Variants in LOC128462377 observed in about 807,000 individuals in gnomAD.
the LOC128462377 span, among the ~76,000 whole-genome samples, chr16:89,375,135 A>G: frequency 6.6e-6 from 1 of 152,202 alleles, no homozygotes; most frequent in African/African-American, 2.4e-5. Context: ...TCAGTGCGGG[A>G]CATACCACAC....
At chr16:89,326,390 C>T in the LOC128462377 span, among the ~76,000 whole-genome samples, 263 of 152,048 alleles carry the variant, frequency 1.7e-3, no homozygotes, top group Non-Finnish European at 1.3e-3. Context: ...CCCCCCCACC[C>T]CGCTGCAGAA....
At chr16:89,397,681 C>A in the LOC128462377 span, among the ~76,000 whole-genome samples, 2 of 152,234 alleles carry the variant, frequency 1.3e-5, no homozygotes, top group South Asian at 4.1e-4. Context: ...TTACAGTGTG[C>A]TTTTGTGGAT....
the LOC128462377 span, among the ~76,000 whole-genome samples, chr16:89,385,409 G>A: frequency 2.0e-3 from 307 of 152,264 alleles, 2 homozygotes; most frequent in African/African-American, 7.1e-3. Context: ...GATTACAGGC[G>A]TGAGCCACCG....
chr16:89,383,442 G>A, the LOC128462377 span, among the ~76,000 whole-genome samples: 4 of 152,196 alleles, frequency 2.6e-5, no homozygotes, highest in African/African-American at 9.7e-5. Context: ...TCAGAAAGGC[G>A]CTGTATCTAC....
At chr16:89,415,731 G>A in the LOC128462377 span, among the ~76,000 whole-genome samples, 2 of 149,556 alleles carry the variant, frequency 1.3e-5, no homozygotes, top group African/African-American at 4.9e-5. Flanking sequence ...GGGAGGCTGA[G>A]GCAGGAGAAA....
At chr16:89,384,925 G>A in the LOC128462377 span, among the ~76,000 whole-genome samples, 171 of 81,762 alleles carry the variant, frequency 2.1e-3, 1 homozygote, top group Non-Finnish European at 1.7e-3. Context: ...CGTTTCTGTC[G>A]CCCAGGCTGG....
At chr16:89,358,158 C>T in the LOC128462377 span, among the ~76,000 whole-genome samples, 4 of 152,216 alleles carry the variant, frequency 2.6e-5, no homozygotes, top group South Asian at 2.1e-4. Context: ...CACCCACCCA[C>T]GTGGCTTTGC....
the LOC128462377 span, among the ~76,000 whole-genome samples, chr16:89,416,304 T>G: frequency 6.6e-6 from 1 of 151,982 alleles, no homozygotes; most frequent in Non-Finnish European, 1.5e-5. Context: ...TCCATCGATT[T>G]TTTTTTTTCC....
At chr16:89,320,526 G>A in the LOC128462377 span, among the ~76,000 whole-genome samples, 103,588 of 152,012 alleles carry the variant, frequency 0.68, 35,383 homozygotes, top group Middle Eastern at 0.77. Flanking sequence ...GGCCCTGACC[G>A]CCCCCAGGCC....
At chr16:89,411,388 C>G in the LOC128462377 span, among the ~76,000 whole-genome samples, 19 of 152,362 alleles carry the variant, frequency 1.2e-4, no homozygotes, top group African/African-American at 3.8e-4. Context: ...CCAGACGCTA[C>G]ACATCTTGCT....
chr16:89,402,506 C>T, the LOC128462377 span, among the ~76,000 whole-genome samples: 2 of 151,924 alleles, frequency 1.3e-5, no homozygotes, highest in East Asian at 3.9e-4. Flanking sequence ...ACAGGGAGAC[C>T]CCGCCTCTAG....
At chr16:89,371,192 T>G in the LOC128462377 span, among the ~76,000 whole-genome samples, 3 of 152,114 alleles carry the variant, frequency 2.0e-5, no homozygotes, top group Non-Finnish European at 4.4e-5. Context: ...CAGAAAAAGA[T>G]GCAACGACTC....
the LOC128462377 span, chr16:89,395,756 G>C: frequency 6.6e-6 from 1 of 152,178 alleles, no homozygotes; most frequent in Admixed American, 6.5e-5. Context: ...TGGTACACTT[G>C]CTTCCCAGGT....
the LOC128462377 span, among the ~76,000 whole-genome samples, chr16:89,355,071 C>T: frequency 3.3e-5 from 5 of 152,196 alleles, no homozygotes; most frequent in Admixed American, 1.3e-4. Context: ...CATCTAAAAA[C>T]ATCAGAAAAA....
chr16:89,412,881 T>TCAGCAGAGGACAGAGGA, the LOC128462377 span, among the ~76,000 whole-genome samples: 3 of 152,124 alleles, frequency 2.0e-5, no homozygotes, highest in African/African-American at 7.2e-5. Context: ...GCCTCCCAGG[T>TCAGCAGAGGACAGAGGA]CAGCAGAGGA....
the LOC128462377 span, among the ~76,000 whole-genome samples, chr16:89,378,787 T>C: frequency 3.9e-5 from 6 of 152,180 alleles, no homozygotes; most frequent in African/African-American, 1.4e-4. Context: ...GGTTTCATCA[T>C]GTTGGCCAGG....
At chr16:89,365,110 T>C in the LOC128462377 span, among the ~76,000 whole-genome samples, 1 of 152,238 alleles carries the variant, frequency 6.6e-6, no homozygotes, top group African/African-American at 2.4e-5. Flanking sequence ...AAGACTCTCC[T>C]TCCCTTATGA....
chr16:89,348,854 C>T, the LOC128462377 span, among the ~76,000 whole-genome samples: 1 of 149,986 alleles, frequency 6.7e-6, no homozygotes, highest in Admixed American at 6.6e-5. Flanking sequence ...GGCTAAGGGG[C>T]TACCAGTTTT....
the LOC128462377 span, among the ~76,000 whole-genome samples, chr16:89,379,181 G>A: frequency 6.6e-6 from 1 of 152,248 alleles, no homozygotes. Context: ...GCCATTCTGG[G>A]AGCTGCTGGC....
Sources: allele counts gnomAD v4.1 joint callset (sites outside exome capture counted in the v4.1 genomes callset), GRCh38; gene constraint gnomAD v4.1.1; transcripts MANE v1.5.